PTPRK: variants seen among roughly 807,000 people sequenced by gnomAD.
PTPRK encodes the protein protein tyrosine phosphatase receptor type K.
PTPRK carries 75 observed loss-of-function variants against 178.0 expected under a neutral mutation model. That is an observed-to-expected ratio of 0.42 (90% CI 0.35 to 0.51). PTPRK has a LOEUF of 0.51. PTPRK is among the 20% of genes least tolerant of loss of function. The pLI is 0.02. For synonymous variants in PTPRK, 637 were observed against 620.6 expected, an observed-to-expected ratio of 1.03 and a Z score of -0.39; for missense variants, 1,441 against 1,797.8, an observed-to-expected ratio of 0.80 and a Z score of 3.59.
intron 3 of PTPRK, among the ~76,000 whole-genome samples, chr6:128,274,209 A>C (rs1169324569): frequency 6.6e-6 from 1 of 152,188 alleles, no homozygotes; most frequent in Non-Finnish European, 1.5e-5. Flanking sequence ...AAATTATAAC[A>C]CTAAATTATT....
intron 2 of PTPRK, among the ~76,000 whole-genome samples, chr6:128,324,883 T>C (rs1369223215): frequency 6.6e-6 from 1 of 152,158 alleles, no homozygotes; most frequent in Non-Finnish European, 1.5e-5. Flanking sequence ...CTTATCAACA[T>C]CTAAAAATCA....
At chr6:128,220,979 C>G (rs1469633831) in intron 5 of PTPRK, among the ~76,000 whole-genome samples, 1 of 152,094 alleles carries the variant, frequency 6.6e-6, no homozygotes, top group African/African-American at 2.4e-5. Flanking sequence ...TTCCTGAAAA[C>G]TTAACAAATT....
At chr6:128,091,411 G>A (rs1461580232) in intron 7 of PTPRK, among the ~76,000 whole-genome samples, 2 of 152,120 alleles carry the variant, frequency 1.3e-5, no homozygotes, top group African/African-American at 4.8e-5. Context: ...ATTTAGTCCA[G>A]TTAGACCGAA....
intron 16 of PTPRK, among the ~76,000 whole-genome samples, chr6:127,998,069 G>T (rs1268234856): frequency 6.6e-6 from 1 of 151,986 alleles, no homozygotes; most frequent in East Asian, 1.9e-4. Flanking sequence ...TATGTTTGTT[G>T]GAATGTTTGG....
intron 13 of PTPRK, among the ~76,000 whole-genome samples, chr6:128,059,894 T>C (rs1313987705): frequency 1.3e-5 from 2 of 152,196 alleles, no homozygotes; most frequent in African/African-American, 4.8e-5. Flanking sequence ...TAATAGTTTG[T>C]AACTTTTAAA....
chr6:128,208,300 A>C, intron 6 of PTPRK, among the ~76,000 whole-genome samples: 1 of 143,870 alleles, frequency 7.0e-6, no homozygotes, highest in East Asian at 2.1e-4. Context: ...TACACCCTCA[A>C]AAAAAAAAAA....
At chr6:127,992,536 A>C in intron 19 of PTPRK, 137 bp downstream of exon 19, 1 of 637,764 alleles carries the variant, frequency 1.6e-6, no homozygotes, top group South Asian at 2.0e-5. Flanking sequence ...TACTATACAA[A>C]TGAGTAAGGA....
intron 6 of PTPRK, 60 bp from the exon 7 acceptor site, chr6:128,184,785 A>C (rs1456512463): frequency 2.0e-6 from 3 of 1,495,542 alleles, no homozygotes; most frequent in Non-Finnish European, 2.7e-6. Flanking sequence ...AAGATATATT[A>C]GTGTCTAATA....
At chr6:128,106,417 T>C (rs949003607) in intron 7 of PTPRK, among the ~76,000 whole-genome samples, 1 of 152,080 alleles carries the variant, frequency 6.6e-6, no homozygotes, top group East Asian at 1.9e-4. Flanking sequence ...TTTCAAAATG[T>C]CAAGCTAAAT....
At chr6:128,179,986 T>C (rs1177308699) in intron 7 of PTPRK, among the ~76,000 whole-genome samples, 5 of 152,194 alleles carry the variant, frequency 3.3e-5, no homozygotes, top group African/African-American at 9.6e-5. Flanking sequence ...GCCAAGAGCA[T>C]TGAACTTCAA....
chr6:128,314,897 T>C (rs1297805132), intron 3 of PTPRK, among the ~76,000 whole-genome samples: 1 of 151,748 alleles, frequency 6.6e-6, no homozygotes. Context: ...TGTCACAATG[T>C]CTAATATACG....
At chr6:128,340,737 A>C (rs758152240) in intron 2 of PTPRK, 3 of 454,562 alleles carry the variant, frequency 6.6e-6, no homozygotes, top group South Asian at 5.2e-5. Context: ...AAATAGATTT[A>C]AGAGTGGCAA....
intron 1 of PTPRK, among the ~76,000 whole-genome samples, chr6:128,475,608 G>A (rs1851279030): frequency 6.6e-6 from 1 of 152,024 alleles, no homozygotes; most frequent in African/African-American, 2.4e-5. Flanking sequence ...CAACTGGCAA[G>A]TTTCAAGTTT....
At chr6:128,508,695 G>A (rs930708551) in intron 1 of PTPRK, among the ~76,000 whole-genome samples, 10 of 151,936 alleles carry the variant, frequency 6.6e-5, no homozygotes, top group South Asian at 2.1e-4. Context: ...CTGTAATCCC[G>A]CACTTTGGGA....
intron 13 of PTPRK, among the ~76,000 whole-genome samples, chr6:128,038,329 T>C (rs908386606): frequency 6.6e-6 from 1 of 152,182 alleles, no homozygotes; most frequent in Non-Finnish European, 1.5e-5. Flanking sequence ...TAAGTTAACA[T>C]TTTTTAAAAA....
At chr6:128,166,110 T>C (rs1799357829) in intron 7 of PTPRK, among the ~76,000 whole-genome samples, 1 of 151,628 alleles carries the variant, frequency 6.6e-6, no homozygotes, top group South Asian at 2.1e-4. Context: ...AATTTTCTCA[T>C]AGCCTTAAGA....
intron 6 of PTPRK, among the ~76,000 whole-genome samples, chr6:128,209,691 AG>A (rs200587741): frequency 0.014 from 2,148 of 152,304 alleles, 20 homozygotes; most frequent in African/African-American, 0.03. Flanking sequence ...GCAAAAGGAA[AG>A]GGGTCCCTAA....
chr6:128,057,606 T>C (rs917734451), intron 13 of PTPRK, among the ~76,000 whole-genome samples: 1 of 152,288 alleles, frequency 6.6e-6, no homozygotes, highest in South Asian at 2.1e-4. Flanking sequence ...ATTAAGCATG[T>C]CCTGTGTGAT....
intron 2 of PTPRK, among the ~76,000 whole-genome samples, chr6:128,330,293 T>C (rs1453495383): frequency 6.6e-6 from 1 of 152,208 alleles, no homozygotes; most frequent in Non-Finnish European, 1.5e-5. Flanking sequence ...CTGTTGCTAT[T>C]ACCTTTGTGC....
Sources: allele counts gnomAD v4.1 joint callset (sites outside exome capture counted in the v4.1 genomes callset), GRCh38; gene constraint gnomAD v4.1.1; transcripts MANE v1.5; gene names NCBI Gene and HGNC (gene_info 2026-07-23, HGNC 2026-07-21).